The following DNM2 variants were observed in gnomAD, a reference collection of about 807,000 sequenced individuals.
The protein encoded by DNM2 is dynamin-2.
DNM2 carries 15 observed loss-of-function variants against 99.0 expected under a neutral mutation model. The ratio of observed to expected loss-of-function variants is 0.15; its 90% confidence interval spans 0.10 to 0.23. DNM2 has a LOEUF of 0.23. DNM2 is among the 10% of genes least tolerant of loss of function. The probability of loss-of-function intolerance (pLI) is 1.00; values close to 1 mark genes in which losing one functional copy is unlikely to be tolerated. For synonymous variants in DNM2, 525 were observed against 481.2 expected (o/e 1.09, Z -1.19); for missense variants, 742 against 1,189.4 (o/e 0.62, Z 5.53).
At chr19:10,719,698 T>C (rs887458115) in intron 1 of DNM2, among the ~76,000 whole-genome samples, 13 of 152,230 alleles carry the variant, frequency 8.5e-5, no homozygotes, top group African/African-American at 3.1e-4. Context: ...ATCCTCCTCC[T>C]GTCATTATTG....
intron 5 of DNM2, chr19:10,781,936 T>C (rs1172065607): frequency 1.3e-5 from 2 of 152,294 alleles, no homozygotes; most frequent in African/African-American, 4.8e-5. Context: ...CATTGATCTC[T>C]CTGGACATGA....
chr19:10,825,605 G>A (rs901049147), intron 18 of DNM2, among the ~76,000 whole-genome samples: 1 of 152,118 alleles, frequency 6.6e-6, no homozygotes, highest in African/African-American at 2.4e-5. Flanking sequence ...AGAGGCAGAG[G>A]TTGTGGTAAG....
intron 4 of DNM2, among the ~76,000 whole-genome samples, chr19:10,776,262 G>A (rs575713488): frequency 2.6e-5 from 4 of 152,350 alleles, no homozygotes; most frequent in African/African-American, 7.2e-5. Flanking sequence ...TAGTCAGAAC[G>A]GGAACTTCAG....
intron 1 of DNM2, among the ~76,000 whole-genome samples, chr19:10,738,922 A>ACTTTG (rs1368360474): frequency 2.0e-5 from 3 of 150,496 alleles, no homozygotes; most frequent in Non-Finnish European, 4.4e-5. Flanking sequence ...TAATCCCAGC[A>ACTTTG]CTTTGGGAGG....
chr19:10,758,509 T>TCCTCCCTTTCCTCCCTTC (rs1190284078), intron 1 of DNM2, among the ~76,000 whole-genome samples: 2 of 72,808 alleles, frequency 2.7e-5, no homozygotes, highest in Non-Finnish European at 5.7e-5. Flanking sequence ...TTCCTCCCTT[T>TCCTCCCTTTCCTCCCTTC]CCTCCCTTTC....
At chr19:10,771,385 C>A (rs1426872096) in intron 2 of DNM2, among the ~76,000 whole-genome samples, 1 of 152,126 alleles carries the variant, frequency 6.6e-6, no homozygotes, top group Admixed American at 6.5e-5. Flanking sequence ...CTTTCAGATA[C>A]CCCCGGGTCT....
At chr19:10,829,758 A>G (rs2073269593) in intron 19 of DNM2, among the ~76,000 whole-genome samples, 2 of 151,898 alleles carry the variant, frequency 1.3e-5, no homozygotes, top group Admixed American at 6.6e-5. Flanking sequence ...TAAGGGGAGG[A>G]TATCGCACCC....
At chr19:10,748,853 G>A (rs1476141473) in intron 1 of DNM2, among the ~76,000 whole-genome samples, 1 of 152,200 alleles carries the variant, frequency 6.6e-6, no homozygotes, top group Non-Finnish European at 1.5e-5. Context: ...CAGCCTGTTG[G>A]GTGGCCAGCG....
rs533474777 is a variant in DNM2, at chr19:10,795,577, G to T, written c.1196+138G>T. On this transcript the variant is annotated intron_variant, in intron 9 of 20. Coordinates refer to ENST00000389253, the MANE Select transcript of DNM2 (RefSeq NM_001005361.3). This position sits in a 1 kb window ranked among gnomAD's most constrained non-coding sequence, Gnocchi z 4.2. Reference sequence around the variant, plus strand: ...CTTGGATGGTTTTCTGTAGCTGCGAGCCCCTCCCTGAGGGTCTCCAAGGGC... The same window carrying T: ...CTTGGATGGTTTTCTGTAGCTGCGATCCCCTCCCTGAGGGTCTCCAAGGGC... The T allele has an allele frequency of 9.1e-6, 9 of 984,452 alleles. No homozygotes were observed. The highest frequency in any genetic ancestry group is 4.7e-6 in the Non-Finnish European group (3 of 635,624). The allele number at this position is 984,452 out of a possible 1,614,324, so 61.0% of individuals were successfully genotyped here.
intron 6 of DNM2, among the ~76,000 whole-genome samples, chr19:10,784,774 T>C (rs1354344508): frequency 6.6e-6 from 1 of 152,042 alleles, no homozygotes; most frequent in Non-Finnish European, 1.5e-5. Flanking sequence ...ATGCCTCTTT[T>C]CTAGCTCGCC....
At chr19:10,753,915 T>C (rs1002242325) in intron 1 of DNM2, among the ~76,000 whole-genome samples, 3 of 152,160 alleles carry the variant, frequency 2.0e-5, no homozygotes, top group African/African-American at 7.2e-5. Flanking sequence ...CCTCGGCCTC[T>C]GAAAGTGTTT....
intron 8 of DNM2, 46 bp downstream of exon 8, chr19:10,793,901 C>T: frequency 6.2e-7 from 1 of 1,613,722 alleles, no homozygotes; most frequent in Non-Finnish European, 8.5e-7. Context: ...GTCAGGCACC[C>T]TCCTGCTGGC....
At chr19:10,746,342 G>C (rs925700688) in intron 1 of DNM2, among the ~76,000 whole-genome samples, 1 of 152,072 alleles carries the variant, frequency 6.6e-6, no homozygotes, top group African/African-American at 2.4e-5. Flanking sequence ...GAGGTGACAG[G>C]GCCATGGGGG....
At chr19:10,824,919 C>A (rs961940884) in intron 17 of DNM2, 138 bp from the exon 18 acceptor site, 3 of 1,392,364 alleles carry the variant, frequency 2.2e-6, no homozygotes, top group Non-Finnish European at 2.0e-6. Context: ...GGCAAGCAGG[C>A]CTATCTGGTG....
chr19:10,777,615 C>CGATAAAGCCCTTCTGAAA (rs1439447147), intron 5 of DNM2, among the ~76,000 whole-genome samples: 1 of 151,856 alleles, frequency 6.6e-6, no homozygotes, highest in Admixed American at 6.6e-5. Context: ...TTTTTTGAGA[C>CGATAAAGCCCTTCTGAAA]GGAGTTTTTG....
At chr19:10,806,140 G>A (rs1054254832) in intron 13 of DNM2, among the ~76,000 whole-genome samples, 173 bp downstream of exon 13, 4 of 152,172 alleles carry the variant, frequency 2.6e-5, no homozygotes, top group African/African-American at 7.2e-5. Flanking sequence ...CTGGGAGATG[G>A]CCTGAGAGCC....
chr19:10,819,642 C>T (rs756913364), intron 15 of DNM2, among the ~76,000 whole-genome samples: 5 of 152,044 alleles, frequency 3.3e-5, no homozygotes, highest in East Asian at 1.9e-4. Flanking sequence ...GGATACGTGA[C>T]GTGTTGTGTG....
At chr19:10,749,441 A>G (rs2070115583) in intron 1 of DNM2, among the ~76,000 whole-genome samples, 1 of 152,086 alleles carries the variant, frequency 6.6e-6, no homozygotes, top group East Asian at 1.9e-4. Flanking sequence ...ATCCCCTTCC[A>G]GGGAGAGGTG....
rs1371111596 is a variant in DNM2 at position 10,816,602 on chromosome 19, CCT to C, written c.1672-3375_1672-3374del. 2.6e-5 allele frequency among the ~76,000 whole-genome samples: 4 copies of C among 152,120 alleles called. No homozygotes were observed. The highest frequency in any genetic ancestry group is 5.9e-5 in the Non-Finnish European group (4 of 68,012). On this transcript the variant is annotated intron_variant, in intron 15 of 20. Transcript: ENST00000389253. The surrounding 1 kb of genome is among the most constrained non-coding windows in gnomAD (Gnocchi z 4.6). ...TAGGGTGCCCTTTCTCTTTTTCTCCCCTCTTTCCGCCTTGCAGTGAGAAACCA... is the reference window on the plus strand; with the variant it reads ...TAGGGTGCCCTTTCTCTTTTTCTCCCCTTTCCGCCTTGCAGTGAGAAACCA...
Sources: allele counts gnomAD v4.1 joint callset (sites outside exome capture counted in the v4.1 genomes callset), GRCh38; gene constraint gnomAD v4.1.1; non-coding constraint Gnocchi (gnomAD v3.1); transcripts MANE v1.5; gene names NCBI Gene and HGNC (gene_info 2026-07-23, HGNC 2026-07-21).